Variants in PAG1 observed in about 807,000 individuals in gnomAD.
PAG1 encodes the protein phosphoprotein membrane anchor with glycosphingolipid microdomains 1.
PAG1 carries 23 observed loss-of-function variants against 31.7 expected under a neutral mutation model. The ratio of observed to expected loss-of-function variants is 0.73; its 90% confidence interval spans 0.52 to 1.03. The LOEUF is 1.03. PAG1 is among the 50% of genes least tolerant of loss of function. PAG1 has a pLI of 0.00. For synonymous variants in PAG1, 214 were observed against 210.3 expected, an observed-to-expected ratio of 1.02 and a Z score of -0.15; for missense variants, 473 against 540.7, an observed-to-expected ratio of 0.87 and a Z score of 1.24.
At chr8:80,991,099 G>C (rs1265365623) in intron 5 of PAG1, among the ~76,000 whole-genome samples, 1 of 152,168 alleles carries the variant, frequency 6.6e-6, no homozygotes, top group Non-Finnish European at 1.5e-5. Context: ...CAAACCACCA[G>C]AAGCCCCAGG....
chr8:80,980,054 C>T (rs536291748), intron 8 of PAG1, among the ~76,000 whole-genome samples: 5 of 152,310 alleles, frequency 3.3e-5, no homozygotes, highest in African/African-American at 1.2e-4. Context: ...ATTCCCTACA[C>T]TCACCTGTTC....
chr8:81,087,935 T>A (rs1444344579), intron 1 of PAG1, among the ~76,000 whole-genome samples: 2 of 152,218 alleles, frequency 1.3e-5, no homozygotes, highest in African/African-American at 2.4e-5. Flanking sequence ...GGGCCCCTCC[T>A]AAATACATAT....
chr8:80,982,475 CT>C (rs1173882945), intron 7 of PAG1, among the ~76,000 whole-genome samples: 1 of 152,142 alleles, frequency 6.6e-6, no homozygotes, highest in Non-Finnish European at 1.5e-5. Flanking sequence ...GATCTCTATT[CT>C]TGGAGCTCTT....
intron 2 of PAG1, among the ~76,000 whole-genome samples, chr8:81,065,304 T>C (rs897014597): frequency 6.6e-6 from 1 of 152,254 alleles, no homozygotes; most frequent in Non-Finnish European, 1.5e-5. Context: ...CATTCTTTTT[T>C]TTCTCTTTTC....
intron 1 of PAG1, among the ~76,000 whole-genome samples, chr8:81,084,110 T>G (rs1159834976): frequency 6.6e-6 from 1 of 152,184 alleles, no homozygotes; most frequent in Non-Finnish European, 1.5e-5. Context: ...AACTCACTAT[T>G]GTGTGTTGCT....
intron 2 of PAG1, among the ~76,000 whole-genome samples, chr8:81,051,215 G>A (rs1383497770): frequency 6.6e-6 from 1 of 152,096 alleles, no homozygotes; most frequent in Non-Finnish European, 1.5e-5. Flanking sequence ...GAGCACTACT[G>A]GATTAGTGTC....
chr8:81,035,898 C>CAT (rs764138861), intron 2 of PAG1, among the ~76,000 whole-genome samples: 57 of 151,294 alleles, frequency 3.8e-4, no homozygotes, highest in African/African-American at 1.3e-3. Flanking sequence ...TATGTATTAA[C>CAT]ATATATATAC....
At chr8:81,040,005 G>A (rs1013833302) in intron 2 of PAG1, among the ~76,000 whole-genome samples, 1 of 152,028 alleles carries the variant, frequency 6.6e-6, no homozygotes, top group Non-Finnish European at 1.5e-5. Flanking sequence ...AAAATTCCTA[G>A]GGAATTTTTT....
At chr8:81,080,152 T>C (rs948916362) in intron 1 of PAG1, among the ~76,000 whole-genome samples, 1 of 152,168 alleles carries the variant, frequency 6.6e-6, no homozygotes, top group Admixed American at 6.6e-5. Context: ...GCAATTGTAA[T>C]GACGAACACA....
chr8:81,047,133 C>A (rs759217817), intron 2 of PAG1, among the ~76,000 whole-genome samples: 5 of 152,092 alleles, frequency 3.3e-5, no homozygotes, highest in African/African-American at 1.2e-4. Context: ...TTTGCTATTG[C>A]GAATAGTACC....
chr8:81,065,862 T>C (rs1808997567), intron 2 of PAG1, among the ~76,000 whole-genome samples: 1 of 149,566 alleles, frequency 6.7e-6, no homozygotes, highest in African/African-American at 2.5e-5. Flanking sequence ...ATATATCATA[T>C]GTCATATATA....
intron 1 of PAG1, among the ~76,000 whole-genome samples, chr8:81,082,738 G>A (rs746695168): frequency 2.6e-5 from 4 of 152,032 alleles, no homozygotes; most frequent in Non-Finnish European, 5.9e-5. Context: ...GTTCTAAGAT[G>A]CCCCCTAGGT....
chr8:81,040,277 C>T (rs1452952075), intron 2 of PAG1, among the ~76,000 whole-genome samples: 1 of 152,172 alleles, frequency 6.6e-6, no homozygotes, highest in African/African-American at 2.4e-5. Context: ...TGTTCAGTCT[C>T]TAAATTTAGT....
At chr8:81,071,565 T>C (rs1341278338) in intron 1 of PAG1, among the ~76,000 whole-genome samples, 6 of 152,144 alleles carry the variant, frequency 3.9e-5, no homozygotes, top group Non-Finnish European at 7.4e-5. Context: ...GAACAAGTAT[T>C]TGGGAATAGT....
intron 2 of PAG1, among the ~76,000 whole-genome samples, chr8:81,044,137 T>C (rs975858817): frequency 1.3e-5 from 2 of 152,194 alleles, no homozygotes; most frequent in African/African-American, 4.8e-5. Flanking sequence ...AACACTTGAC[T>C]TCCCTGCAGT....
Position 80,993,200 on chromosome 8 carries a change from T to C in PAG1, c.28A>G (p.Ser10Gly). 6.2e-7 allele frequency: 1 copy of C among 1,611,770 alleles called. No individual in the cohort carries two copies. Among genetic ancestry groups the C allele is most frequent in the Non-Finnish European group, 8.5e-7 (1 of 1,178,970 alleles). ...CACAGGGTGATCTGCATCTGTCCGC[T>C]GCCCAGCAGGCTCCCCGCGGGCCCC... MGPAGSLLG[S>G]GQMQITLWGS... The change falls in exon 4 of 9, where the codon AGC becomes GGC. Residue 10 changes from serine (S) to glycine (G), a missense_variant. Transcript: ENST00000220597.
chr8:81,066,285 A>T (rs1437560607), intron 2 of PAG1, among the ~76,000 whole-genome samples: 1 of 152,252 alleles, frequency 6.6e-6, no homozygotes, highest in Non-Finnish European at 1.5e-5. Context: ...AAACTTAACG[A>T]TATGCTGAAA....
At chr8:81,045,256 C>G (rs540255986) in intron 2 of PAG1, among the ~76,000 whole-genome samples, 3 of 152,172 alleles carry the variant, frequency 2.0e-5, no homozygotes, top group African/African-American at 7.2e-5. Context: ...CTGATAATGG[C>G]TGAAGAGTAC....
At position 80,991,536 on chromosome 8, in the gene PAG1, A is replaced by C. The variant is rs1320597236; in HGVS notation, c.126-6T>G. The stretch of plus-strand genomic sequence containing the variant: ...GCTGTCGCGGCTTCTTTTCCCTGAA[A>C]TGAAAAGTGAAATGTTGTAATGTCA... On this transcript the variant is annotated splice_polypyrimidine_tract_variant and splice_region_variant and intron_variant, in intron 4 of 8. Transcript: ENST00000220597. 1 of 1,610,410 alleles carries C rather than the reference A, an allele frequency of 6.2e-7. No individual in the cohort carries two copies. The highest frequency in any genetic ancestry group is 1.1e-5 in the South Asian group (1 of 91,012).
Sources: gnomAD v4.1 joint callset for allele counts (sites outside exome capture counted in the v4.1 genomes callset) on GRCh38, gnomAD v4.1.1 for gene constraint, MANE v1.5 for transcripts, NCBI Gene and HGNC (gene_info 2026-07-23, HGNC 2026-07-21) for gene names.